Variants in CTDSPL2 observed in about 807,000 individuals in gnomAD.
CTDSPL2 encodes CTD small phosphatase like 2, also known as CTD small phosphatase-like protein 2.
In CTDSPL2, 5 loss-of-function variants were observed where a neutral mutation model predicts 60.0. The ratio of observed to expected loss-of-function variants is 0.08; its 90% confidence interval spans 0.04 to 0.18. The LOEUF (loss-of-function observed/expected upper bound fraction) is 0.18, where lower values mean the gene tolerates loss of function less well. Ranked by LOEUF, CTDSPL2 falls within the 10% of genes least tolerant of loss-of-function variation. The probability of loss-of-function intolerance (pLI) is 1.00; values close to 1 mark genes in which losing one functional copy is unlikely to be tolerated. For missense variants in CTDSPL2, 370 were observed against 548.8 expected (o/e 0.67, Z 3.26); for synonymous variants, 186 against 189.3 (o/e 0.98, Z 0.14).
At chr15:44,478,842 C>T (rs1467621989) in intron 2 of CTDSPL2, among the ~76,000 whole-genome samples, 1 of 152,054 alleles carries the variant, frequency 6.6e-6, no homozygotes, top group East Asian at 1.9e-4. Context: ...ATTAGCTGGG[C>T]GTGGTGGCAG....
At chr15:44,466,925 C>T (rs540115165) in intron 2 of CTDSPL2, among the ~76,000 whole-genome samples, 34 of 152,028 alleles carry the variant, frequency 2.2e-4, no homozygotes, top group Non-Finnish European at 3.5e-4. Flanking sequence ...GGTGACACAG[C>T]GCGACTCCGT....
At position 44,481,281 on chromosome 15, in the gene CTDSPL2, C is replaced by T. The variant is rs750919638; in HGVS notation, c.187-2943C>T. 1.8e-4 allele frequency among the ~76,000 whole-genome samples: 28 copies of T among 152,188 alleles called. 1 individual carries two copies. The highest frequency in any genetic ancestry group is 3.4e-4 in the Non-Finnish European group (23 of 68,028). ...ATTTTAGTCTTGACCTTAATAGCTT[C>T]CTCTTCCGTTTTTGTAACCTGAAGT... On this transcript the variant is annotated intron_variant, in intron 2 of 12. Transcript: ENST00000260327.
intron 1 of CTDSPL2, among the ~76,000 whole-genome samples, chr15:44,445,024 G>T (rs2080179969): frequency 6.6e-6 from 1 of 151,000 alleles, no homozygotes; most frequent in Non-Finnish European, 1.5e-5. Context: ...TATATTTTTA[G>T]TAGAGACGAC....
At chr15:44,501,648 T>C (rs1327438913) in intron 8 of CTDSPL2, among the ~76,000 whole-genome samples, 1 of 152,158 alleles carries the variant, frequency 6.6e-6, no homozygotes, top group Non-Finnish European at 1.5e-5. Flanking sequence ...GAGTTACACT[T>C]TCTGAAACTG....
chr15:44,515,113 T>TG (rs148042793), intron 10 of CTDSPL2, among the ~76,000 whole-genome samples: 6,883 of 151,928 alleles, frequency 0.045, 479 homozygotes, highest in African/African-American at 0.14. Context: ...AGACGGGGGT[T>TG]GGGGGGGTTG....
At chr15:44,505,666 A>G (rs965847211) in intron 8 of CTDSPL2, among the ~76,000 whole-genome samples, 3 of 150,852 alleles carry the variant, frequency 2.0e-5, no homozygotes, top group African/African-American at 4.9e-5. Flanking sequence ...CCCGGGAGGG[A>G]GAGGTTGCAG....
chr15:44,507,557 G>C lies in CTDSPL2; in HGVS notation c.970-7041G>C, dbSNP rs185581427. Among the ~76,000 whole-genome samples the C allele has an allele frequency of 4.5e-3, 682 of 152,248 alleles. 4 individuals are homozygous for C. The highest frequency in any genetic ancestry group is 0.016 in the African/African-American group (649 of 41,528). On this transcript the variant is annotated intron_variant, in intron 8 of 12. Coordinates refer to ENST00000260327, the MANE Select transcript of CTDSPL2 (RefSeq NM_016396.3). ...ATTACTACTGTAACATCACTCAGTG[G>C]GTTATGAAATTGAGACCACTCTAGG...
intron 8 of CTDSPL2, among the ~76,000 whole-genome samples, chr15:44,508,650 C>T (rs1397389422): frequency 1.3e-5 from 2 of 152,156 alleles, no homozygotes; most frequent in Non-Finnish European, 2.9e-5. Flanking sequence ...CTGCCGGGCG[C>T]TGTGGCTAGC....
At chr15:44,459,224 C>G in intron 2 of CTDSPL2, 24 bp downstream of exon 2, 1 of 1,547,490 alleles carries the variant, frequency 6.5e-7, no homozygotes, top group Non-Finnish European at 8.8e-7. Flanking sequence ...CATATACTTT[C>G]ATATCATTAA....
intron 8 of CTDSPL2, among the ~76,000 whole-genome samples, chr15:44,514,298 G>A (rs1434164152): frequency 2.0e-5 from 3 of 152,154 alleles, no homozygotes; most frequent in Non-Finnish European, 4.4e-5. Context: ...ATCTCAGAGG[G>A]AAACTTTCCA....
intron 2 of CTDSPL2, among the ~76,000 whole-genome samples, chr15:44,461,423 C>CTATT (rs1229996961): frequency 1.3e-5 from 2 of 152,028 alleles, no homozygotes; most frequent in Non-Finnish European, 2.9e-5. Flanking sequence ...GGATCTTACT[C>CTATT]TATTGCCCAG....
chr15:44,504,183 A>C (rs2081421266), intron 8 of CTDSPL2, among the ~76,000 whole-genome samples: 1 of 152,162 alleles, frequency 6.6e-6, no homozygotes, highest in Non-Finnish European at 1.5e-5. Flanking sequence ...CCCTATCTCC[A>C]CAAAAAAATA....
At chr15:44,502,329 A>G (rs2081394177) in intron 8 of CTDSPL2, among the ~76,000 whole-genome samples, 1 of 151,830 alleles carries the variant, frequency 6.6e-6, no homozygotes, top group Non-Finnish European at 1.5e-5. Flanking sequence ...CTTGGGACTT[A>G]TTTTACGTTT....
At chr15:44,470,614 ATT>A (rs35301370) in intron 2 of CTDSPL2, 50,497 of 151,518 alleles carry the variant, frequency 0.33, 10,131 homozygotes, top group Admixed American at 0.46. Context: ...CTCCCAGCTA[ATT>A]TTTATATTTT....
At chr15:44,437,883 A>T (rs557543939) in intron 1 of CTDSPL2, among the ~76,000 whole-genome samples, 1 of 152,348 alleles carries the variant, frequency 6.6e-6, no homozygotes, top group South Asian at 2.1e-4. Context: ...AATGAAGATA[A>T]TAGTTAATTG....
At chr15:44,472,429 A>G (rs1305188717) in intron 2 of CTDSPL2, among the ~76,000 whole-genome samples, 1 of 152,054 alleles carries the variant, frequency 6.6e-6, no homozygotes, top group Non-Finnish European at 1.5e-5. Context: ...CATTTCCCTA[A>G]TGACTGATGG....
At chr15:44,483,009 C>G (rs986273033) in intron 2 of CTDSPL2, among the ~76,000 whole-genome samples, 1 of 151,890 alleles carries the variant, frequency 6.6e-6, no homozygotes, top group African/African-American at 2.4e-5. Context: ...GCCTGTAATC[C>G]CAGCACTTTG....
At chr15:44,476,807 AT>A (rs1200377446) in intron 2 of CTDSPL2, among the ~76,000 whole-genome samples, 10 of 152,218 alleles carry the variant, frequency 6.6e-5, no homozygotes, top group African/African-American at 2.4e-4. Context: ...CCCAGTTGTT[AT>A]GTGATGCATT....
At chr15:44,442,432 G>A (rs1249076775) in intron 1 of CTDSPL2, among the ~76,000 whole-genome samples, 1 of 146,656 alleles carries the variant, frequency 6.8e-6, no homozygotes, top group Non-Finnish European at 1.5e-5. Flanking sequence ...GGGTGACAGA[G>A]CAAGACTCTG....
Sources: gnomAD v4.1 joint callset for allele counts (sites outside exome capture counted in the v4.1 genomes callset) on GRCh38, gnomAD v4.1.1 for gene constraint, MANE v1.5 for transcripts, NCBI Gene and HGNC (gene_info 2026-07-23, HGNC 2026-07-21) for gene names.